The following SUPT3H variants were observed in gnomAD, a reference collection of about 807,000 sequenced individuals.
The protein encoded by SUPT3H is SPT3 homolog, SAGA and STAGA complex component.
Under a neutral mutation model 44.3 loss-of-function variants are expected in SUPT3H, and 44 were observed. The ratio of observed to expected loss-of-function variants is 0.99; its 90% confidence interval spans 0.78 to 1.28. The LOEUF is 1.28. Among genes scored for constraint, SUPT3H ranks in the 50% most tolerant of loss-of-function variants. The pLI is 0.00. For missense variants in SUPT3H, 380 were observed against 387.1 expected, an observed-to-expected ratio of 0.98 and a Z score of 0.15; for synonymous variants, 124 against 125.6, an observed-to-expected ratio of 0.99 and a Z score of 0.09.
chr6:45,110,227 C>A (rs1241668146), intron 2 of SUPT3H, among the ~76,000 whole-genome samples: 1 of 152,140 alleles, frequency 6.6e-6, no homozygotes, highest in Non-Finnish European at 1.5e-5. Flanking sequence ...TCACTTCAAC[C>A]TAGGGCAACT....
In SUPT3H at chr6:44,827,559, T is replaced by G. The variant is rs1426953084; in HGVS notation, c.*2257A>C. Among the ~76,000 whole-genome samples, 1 of 152,090 alleles carries G rather than the reference T, an allele frequency of 6.6e-6. No individual in the cohort carries two copies. Among genetic ancestry groups the G allele is most frequent in the Non-Finnish European group, 1.5e-5 (1 of 67,980 alleles). On this transcript the variant is annotated 3_prime_UTR_variant, in exon 11 of 11. Transcript: ENST00000371459. ...TTCTTAATGATCTCTAAGACTATCTTCTGCTCTAACATTATGATTATTGAG... is the reference window on the plus strand; with the variant it reads ...TTCTTAATGATCTCTAAGACTATCTGCTGCTCTAACATTATGATTATTGAG...
At chr6:45,065,797 C>T (rs1376172486) in intron 3 of SUPT3H, among the ~76,000 whole-genome samples, 2 of 151,762 alleles carry the variant, frequency 1.3e-5, no homozygotes, top group South Asian at 4.2e-4. Context: ...ATAACAGGAG[C>T]TGAAATTATG....
At chr6:44,862,731 G>A (rs1390850053) in intron 10 of SUPT3H, among the ~76,000 whole-genome samples, 2 of 151,144 alleles carry the variant, frequency 1.3e-5, no homozygotes, top group East Asian at 3.9e-4. Context: ...GAATTCTATA[G>A]TTTCTCTTTC....
chr6:45,155,707 C>T (rs763642259), intron 2 of SUPT3H, among the ~76,000 whole-genome samples: 5 of 152,016 alleles, frequency 3.3e-5, no homozygotes, highest in Non-Finnish European at 7.4e-5. Flanking sequence ...AGTCATGCTA[C>T]GCCTCCTTTT....
intron 3 of SUPT3H, among the ~76,000 whole-genome samples, chr6:45,074,912 T>A (rs1302728194): frequency 1.3e-5 from 2 of 152,102 alleles, no homozygotes; most frequent in Non-Finnish European, 2.9e-5. Context: ...AATAATTTAA[T>A]AAACATACAT....
intron 10 of SUPT3H, among the ~76,000 whole-genome samples, chr6:44,881,950 G>A (rs550220068): frequency 3.4e-4 from 51 of 152,114 alleles, no homozygotes; most frequent in African/African-American, 1.0e-3. Flanking sequence ...ATCCAAAATC[G>A]ACACCCTAAC....
intron 2 of SUPT3H, among the ~76,000 whole-genome samples, chr6:45,228,420 A>G (rs1767324275): frequency 6.6e-6 from 1 of 152,142 alleles, no homozygotes; most frequent in South Asian, 2.1e-4. Context: ...GAAATGAAAC[A>G]TGAGCTCTTC....
intron 2 of SUPT3H, among the ~76,000 whole-genome samples, chr6:45,250,754 G>C (rs1226966057): frequency 6.6e-6 from 1 of 150,944 alleles, no homozygotes; most frequent in African/African-American, 2.4e-5. Context: ...CAGAAAAAAA[G>C]ATCCTAAAAG....
chr6:45,358,497 C>A (rs1793645456), intron 2 of SUPT3H, among the ~76,000 whole-genome samples: 1 of 152,080 alleles, frequency 6.6e-6, no homozygotes, highest in African/African-American at 2.4e-5. Context: ...AAATATTTCC[C>A]CCTATACTTG....
chr6:44,831,387 T>G (rs542624378), intron 10 of SUPT3H, among the ~76,000 whole-genome samples: 1 of 152,256 alleles, frequency 6.6e-6, no homozygotes, highest in South Asian at 2.1e-4. Context: ...TTCCTAAAAT[T>G]GCGCTATAGA....
intron 2 of SUPT3H, among the ~76,000 whole-genome samples, chr6:45,329,299 T>C (rs1786978094): frequency 1.3e-5 from 2 of 152,090 alleles, no homozygotes; most frequent in South Asian, 4.1e-4. Context: ...CCAGCTCAAC[T>C]AAAAGAAATC....
chr6:45,244,599 C>T (rs1771008876), intron 2 of SUPT3H, among the ~76,000 whole-genome samples: 2 of 152,134 alleles, frequency 1.3e-5, no homozygotes, highest in Admixed American at 6.6e-5. Flanking sequence ...ACCTTCTACA[C>T]TAATTTTACC....
At chr6:44,826,334 G>C (rs1015692127), downstream of SUPT3H, among the ~76,000 whole-genome samples, 3 of 152,178 alleles carry the variant, frequency 2.0e-5, no homozygotes, top group Non-Finnish European at 4.4e-5. Flanking sequence ...AGCATGTAAA[G>C]TTTCATCTTG....
At chr6:45,062,866 C>G (rs1200870793) in intron 3 of SUPT3H, among the ~76,000 whole-genome samples, 1 of 151,996 alleles carries the variant, frequency 6.6e-6, no homozygotes, top group Non-Finnish European at 1.5e-5. Flanking sequence ...AACTGCAAGG[C>G]GGCAGCGAGG....
chr6:44,949,817 A>G (rs946068012), intron 9 of SUPT3H, among the ~76,000 whole-genome samples: 2 of 152,220 alleles, frequency 1.3e-5, no homozygotes, highest in African/African-American at 4.8e-5. Flanking sequence ...AGCAACTGGA[A>G]CTCTAATACA....
rs534174210 is a variant in SUPT3H at position 44,814,315 on chromosome 6, A to G, written c.*53-4814T>C. Among the ~76,000 whole-genome samples, 74 of 152,296 alleles carry G rather than the reference A, an allele frequency of 4.9e-4. 1 individual carries two copies. The South Asian group carries it at 0.015, about 30-fold the overall frequency. ...GTCTCCCAACAGGTTATTTAAGGGT[A>G]TATGTTCACTGCTTGAACCCTAAAG... is the stretch of plus-strand genomic sequence containing the variant. On this transcript the variant is annotated intron_variant and NMD_transcript_variant, in intron 11 of 11. Transcript: ENST00000475057.
rs377514685 is a variant in SUPT3H at position 44,950,265 on chromosome 6, T to C, written c.801+3045A>G. Among the ~76,000 whole-genome samples, 8 of 152,336 alleles carry C rather than the reference T, an allele frequency of 5.3e-5. No homozygotes were observed. In the South Asian group the frequency reaches 1.2e-3, roughly 24 times the overall value. ...CTTTAGACATGCTCCACTGTGTCAA[T>C]GTCCATTCTATAGGATGATGCCCAA... On this transcript the variant is annotated intron_variant, in intron 9 of 10. Coordinates refer to ENST00000371459, the MANE Select transcript of SUPT3H (RefSeq NM_003599.4).
At chr6:45,097,160 T>C (rs1431881184) in intron 3 of SUPT3H, among the ~76,000 whole-genome samples, 1 of 152,196 alleles carries the variant, frequency 6.6e-6, no homozygotes, top group Non-Finnish European at 1.5e-5. Context: ...AAGGAACTGT[T>C]CTGGTTGAAT....
intron 3 of SUPT3H, among the ~76,000 whole-genome samples, chr6:45,080,812 G>T (rs1304577722): frequency 6.6e-6 from 1 of 151,996 alleles, no homozygotes; most frequent in East Asian, 1.9e-4. Flanking sequence ...AGTGGGGATG[G>T]TTAATGGGTA....
Sources: gnomAD v4.1 joint callset for allele counts (sites outside exome capture counted in the v4.1 genomes callset) on GRCh38, gnomAD v4.1.1 for gene constraint, MANE v1.5 for transcripts, NCBI Gene and HGNC (gene_info 2026-07-23, HGNC 2026-07-21) for gene names.